The following LRRTM4 variants were observed in gnomAD, a reference collection of about 807,000 sequenced individuals.
The protein encoded by LRRTM4 is leucine rich repeat transmembrane neuronal 4.
LRRTM4 carries 25 observed loss-of-function variants against 47.6 expected under a neutral mutation model. The ratio of observed to expected loss-of-function variants is 0.53; its 90% CI spans 0.38 to 0.73. LRRTM4 has a LOEUF of 0.73. LRRTM4 is among the 30% of genes least tolerant of loss of function. The pLI, the probability that LRRTM4 is intolerant of heterozygous loss-of-function variation, is 0.00. For missense variants in LRRTM4, 638 were observed against 713.4 expected, an observed-to-expected ratio of 0.89 and a Z score of 1.20; for synonymous variants, 311 against 269.5, an observed-to-expected ratio of 1.15 and a Z score of -1.51.
intron 3 of LRRTM4, among the ~76,000 whole-genome samples, chr2:76,924,402 C>T (rs1191784884): frequency 1.3e-5 from 2 of 151,940 alleles, no homozygotes; most frequent in African/African-American, 4.8e-5. Context: ...CTCATTAGAG[C>T]CAGGAGTACA....
intron 3 of LRRTM4, among the ~76,000 whole-genome samples, chr2:76,821,214 T>C (rs891671998): frequency 2.0e-5 from 3 of 151,704 alleles, no homozygotes; most frequent in Non-Finnish European, 1.5e-5. Context: ...GCCAAAACTT[T>C]TATGGATGTA....
At chr2:77,016,598 C>T (rs1278989437) in intron 3 of LRRTM4, among the ~76,000 whole-genome samples, 7 of 151,086 alleles carry the variant, frequency 4.6e-5, no homozygotes, top group Non-Finnish European at 1.0e-4. Context: ...GCTTGAATTG[C>T]CTCTCTCTTC....
chr2:77,359,152 T>G (rs1385650203), intron 3 of LRRTM4, among the ~76,000 whole-genome samples: 1 of 152,186 alleles, frequency 6.6e-6, no homozygotes, highest in Non-Finnish European at 1.5e-5. Flanking sequence ...TCGTAGATTT[T>G]CACACCTAAC....
At chr2:77,207,740 A>G (rs1674178480) in intron 3 of LRRTM4, among the ~76,000 whole-genome samples, 1 of 151,884 alleles carries the variant, frequency 6.6e-6, no homozygotes, top group African/African-American at 2.4e-5. Flanking sequence ...TAAACTATGT[A>G]TGATATGTTC....
intron 3 of LRRTM4, among the ~76,000 whole-genome samples, chr2:76,758,291 A>C (rs1391960276): frequency 1.3e-5 from 2 of 152,206 alleles, no homozygotes; most frequent in African/African-American, 2.4e-5. Flanking sequence ...AAGTGAAATG[A>C]AATTCACATG....
chr2:76,772,978 G>A (rs1422170531), intron 3 of LRRTM4: 1 of 152,154 alleles, frequency 6.6e-6, no homozygotes, highest in Non-Finnish European at 1.5e-5. Context: ...GGTAGGGCCT[G>A]TTTAGTACTT....
intron 3 of LRRTM4, among the ~76,000 whole-genome samples, chr2:76,986,415 C>A (rs1448278579): frequency 6.6e-6 from 1 of 151,928 alleles, no homozygotes; most frequent in Non-Finnish European, 1.5e-5. Context: ...CAGAAGCCCT[C>A]CCTGCATAGG....
chr2:77,436,265 G>A (rs914311693), intron 3 of LRRTM4, among the ~76,000 whole-genome samples: 1 of 152,056 alleles, frequency 6.6e-6, no homozygotes, highest in Non-Finnish European at 1.5e-5. Context: ...TTACGTAGTG[G>A]TGAGGTTACA....
intron 3 of LRRTM4, among the ~76,000 whole-genome samples, chr2:77,324,113 G>A (rs933455712): frequency 6.6e-6 from 1 of 152,006 alleles, no homozygotes; most frequent in African/African-American, 2.4e-5. Flanking sequence ...GTAACATGGG[G>A]TTTTCATTTT....
chr2:76,850,495 G>C (rs1184802056), intron 3 of LRRTM4, among the ~76,000 whole-genome samples: 1 of 152,078 alleles, frequency 6.6e-6, no homozygotes, highest in African/African-American at 2.4e-5. Context: ...TTGATAATTG[G>C]GGATGCAAAT....
intron 3 of LRRTM4, among the ~76,000 whole-genome samples, chr2:77,208,173 A>AC (rs1201798854): frequency 2.6e-5 from 4 of 151,440 alleles, no homozygotes; most frequent in Admixed American, 1.3e-4. Flanking sequence ...GCCACCACGC[A>AC]CCCCCCAAGG....
At chr2:77,415,244 G>A (rs1199339237) in intron 3 of LRRTM4, among the ~76,000 whole-genome samples, 1 of 152,106 alleles carries the variant, frequency 6.6e-6, no homozygotes, top group Non-Finnish European at 1.5e-5. Flanking sequence ...ATGGAAGAAT[G>A]ATTATGTCTT....
intron 3 of LRRTM4, among the ~76,000 whole-genome samples, chr2:77,337,889 T>C (rs207461887): frequency 6.6e-6 from 1 of 151,948 alleles, no homozygotes; most frequent in Non-Finnish European, 1.5e-5. Flanking sequence ...GGTACAAAAA[T>C]AGACACATAG....
intron 3 of LRRTM4, among the ~76,000 whole-genome samples, chr2:76,975,881 T>C (rs1676403637): frequency 6.6e-6 from 1 of 151,824 alleles, no homozygotes; most frequent in African/African-American, 2.4e-5. Context: ...AAATAAGTCA[T>C]AACAACATTT....
intron 3 of LRRTM4, among the ~76,000 whole-genome samples, chr2:76,898,627 C>T (rs1042549810): frequency 4.0e-5 from 6 of 149,040 alleles, no homozygotes; most frequent in Middle Eastern, 3.5e-3. Context: ...TAATTAATGT[C>T]CTCTATTCAA....
At chr2:77,221,635 C>G (rs1274004503) in intron 3 of LRRTM4, among the ~76,000 whole-genome samples, 2 of 151,992 alleles carry the variant, frequency 1.3e-5, no homozygotes, top group Non-Finnish European at 1.5e-5. Flanking sequence ...GTAAAGGGAT[C>G]AATTCAACAA....
rs56030888 is a variant in LRRTM4 at position 77,056,205 on chromosome 2, G to T, written c.1552-307289C>A. ...TAAAGTATAATAATAAAAAGCTAAT[G>T]TGAGAATAATTATGTGATATATGAA... On this transcript the variant is annotated intron_variant, in intron 3 of 3. Transcript: ENST00000409884. 2.0e-5 allele frequency among the ~76,000 whole-genome samples: 3 copies of T among 148,676 alleles called. No individual in the cohort carries two copies. In the South Asian group the frequency reaches 6.4e-4, roughly 32 times the overall value.
chr2:77,275,393 T>C (rs1558664128), intron 3 of LRRTM4, among the ~76,000 whole-genome samples: 3 of 152,126 alleles, frequency 2.0e-5, no homozygotes, highest in South Asian at 4.1e-4. Context: ...ACTGAATTAT[T>C]TTTATAGAAC....
At chr2:77,021,317 C>T (rs1056394020) in intron 3 of LRRTM4, among the ~76,000 whole-genome samples, 17 of 152,044 alleles carry the variant, frequency 1.1e-4, no homozygotes, top group African/African-American at 4.1e-4. Flanking sequence ...CCATATTTTA[C>T]AGACAGAGGA....
Sources: gnomAD v4.1 joint callset for allele counts (sites outside exome capture counted in the v4.1 genomes callset) on GRCh38, gnomAD v4.1.1 for gene constraint, MANE v1.5 for transcripts, NCBI Gene and HGNC (gene_info 2026-07-23, HGNC 2026-07-21) for gene names.